The following ERP27 variants were observed in gnomAD, a reference collection of about 807,000 sequenced individuals.
ERP27 encodes endoplasmic reticulum protein 27.
Under a neutral mutation model 27.7 loss-of-function variants are expected in ERP27, and 23 were observed. The ratio of observed to expected loss-of-function variants is 0.83; its 90% CI spans 0.60 to 1.18. The LOEUF is 1.18. ERP27 is among the 50% of genes most tolerant of loss of function. ERP27 has a pLI of 0.00. For synonymous variants in ERP27, 159 were observed against 118.3 expected, an observed-to-expected ratio of 1.34 and a Z score of -2.23; for missense variants, 363 against 327.9, an observed-to-expected ratio of 1.11 and a Z score of -0.83.
At chr12:14,937,777 G>A (rs1863793345) in intron 2 of ERP27, among the ~76,000 whole-genome samples, 175 bp downstream of exon 2, 1 of 152,212 alleles carries the variant, frequency 6.6e-6, no homozygotes, top group Non-Finnish European at 1.5e-5. Flanking sequence ...TTTAGAGACT[G>A]GGAATGTCTT....
At chr12:14,921,163 A>G (rs1863497865) in intron 3 of ERP27, 115 bp from the exon 4 acceptor site, 2 of 810,296 alleles carry the variant, frequency 2.5e-6, no homozygotes, top group Admixed American at 2.2e-5. Flanking sequence ...ACCAAAAGAT[A>G]AGTAAGAGAG....
intron 4 of ERP27, among the ~76,000 whole-genome samples, chr12:14,920,529 C>T (rs756891404): frequency 3.9e-5 from 6 of 152,084 alleles, no homozygotes; most frequent in Admixed American, 2.0e-4. Context: ...CACCATCATA[C>T]CTGGCTAATT....
At chr12:14,923,492 A>AATCTATCTATCTATCT (rs61662382) in intron 3 of ERP27, among the ~76,000 whole-genome samples, 32 of 141,158 alleles carry the variant, frequency 2.3e-4, no homozygotes, top group Admixed American at 3.5e-4. Context: ...ATCTATAATC[A>AATCTATCTATCTATCT]ATCTATCTAT....
intron 3 of ERP27, chr12:14,929,044 T>C (rs1266104155): frequency 3.3e-6 from 5 of 1,534,724 alleles, no homozygotes; most frequent in African/African-American, 2.7e-5. Flanking sequence ...TCGTTTAACA[T>C]TTGATGTGTC....
chr12:14,935,885 A>C (rs113907917), intron 2 of ERP27, among the ~76,000 whole-genome samples: 6,288 of 152,008 alleles, frequency 0.041, 288 homozygotes, highest in African/African-American at 0.12. Flanking sequence ...TACTTGGCTA[A>C]TTTTTTCTGT....
rs113050330 is a variant in ERP27 at position 14,915,381 on chromosome 12, C to G, written c.774+108G>C. ...CTATCTGCACTTGGTATCCATTAAC[C>G]AACATTTTGCTCTCCTCCCTCTCTG... On this transcript the variant is annotated intron_variant, in intron 6 of 6. Transcript: ENST00000266397. 1,913 of 1,142,154 alleles carry G rather than the reference C, an allele frequency of 1.7e-3. 26 individuals carry two copies. In the African/African-American group the frequency reaches 0.025, roughly 15 times the overall value. The allele number at this position is 1,142,154 out of a possible 1,614,324, so 70.8% of individuals were successfully genotyped here. A position where few individuals can be genotyped will look rare whatever the true frequency, so the allele number is the denominator to read the frequency against.
chr12:14,929,211 T>C, intron 3 of ERP27: 1 of 1,191,440 alleles, frequency 8.4e-7, no homozygotes, highest in Admixed American at 3.3e-5. Context: ...AAAAGCCAGT[T>C]ACTCTGGGTG....
At position 14,924,229 on chromosome 12, in the gene ERP27, A is replaced by G. The variant is rs1447220149; in HGVS notation, c.334-3181T>C. Among the ~76,000 whole-genome samples the G allele has an allele frequency of 3.3e-5, 5 of 152,182 alleles. No homozygotes were observed. The East Asian group carries it at 9.6e-4, about 29-fold the overall frequency. On this transcript the variant is annotated intron_variant, in intron 3 of 6. Transcript: ENST00000266397. ...ACTTCACTCTTTTTTATGGCTGAAT[A>G]GTGTCCATTGTATATATGTACTGCA...
At chr12:14,927,518 T>G (rs140505669) in intron 3 of ERP27, among the ~76,000 whole-genome samples, 1 of 152,210 alleles carries the variant, frequency 6.6e-6, no homozygotes, top group East Asian at 1.9e-4. Context: ...TAGATTCACC[T>G]CCTATTTCCC....
intron 3 of ERP27, chr12:14,928,840 T>G: frequency 1.7e-6 from 2 of 1,171,326 alleles, no homozygotes; most frequent in Admixed American, 4.0e-5. Context: ...TACCACCTCC[T>G]TCCCCTTCCC....
At chr12:14,923,920 C>A (rs747213270) in intron 3 of ERP27, among the ~76,000 whole-genome samples, 1 of 152,156 alleles carries the variant, frequency 6.6e-6, no homozygotes, top group African/African-American at 2.4e-5. Context: ...TATACTCACC[C>A]TACTGTGCAA....
chr12:14,914,700 G>A lies in ERP27; in HGVS notation c.*35C>T, dbSNP rs1267617555. 1.3e-6 allele frequency: 2 copies of A among 1,596,064 alleles called. No homozygotes were observed. The highest frequency in any genetic ancestry group is 2.2e-5 in the East Asian group (1 of 44,796). Reference sequence around the variant, plus strand: ...GTTGTGCCTTTTTACTTTGCATAAAGTAGATACTTGGCCATATGTAGTTCC... The same window carrying A: ...GTTGTGCCTTTTTACTTTGCATAAAATAGATACTTGGCCATATGTAGTTCC... On this transcript the variant is annotated 3_prime_UTR_variant, in exon 7 of 7. Coordinates refer to ENST00000266397, the MANE Select transcript of ERP27 (RefSeq NM_152321.4).
chr12:14,914,577 T>TGTGTGTGTGC lies in ERP27; in HGVS notation c.*157_*158insGCACACACAC, dbSNP rs1555097430. On this transcript the variant is annotated 3_prime_UTR_variant, in exon 7 of 7. Coordinates refer to ENST00000266397, the MANE Select transcript of ERP27 (RefSeq NM_152321.4). The stretch of plus-strand genomic sequence containing the variant: ...GAAGCTCTGTGTGTGTGTGTGTGTG[T>TGTGTGTGTGC]GCGTGTGTGTGTGCACGCGTGCGTG... 119 of 542,218 alleles carry TGTGTGTGTGC rather than the reference T, an allele frequency of 2.2e-4. No individual in the cohort carries two copies. Among genetic ancestry groups the TGTGTGTGTGC allele is most frequent in the Non-Finnish European group, 3.2e-4 (99 of 307,240 alleles). The allele number at this position is 542,218 out of a possible 1,614,324, so 33.6% of individuals were successfully genotyped here. A position where few individuals can be genotyped will look rare whatever the true frequency, so the allele number is the denominator to read the frequency against.
At chr12:14,935,510 G>T (rs541031213) in intron 2 of ERP27, among the ~76,000 whole-genome samples, 1 of 152,146 alleles carries the variant, frequency 6.6e-6, no homozygotes, top group Non-Finnish European at 1.5e-5. Flanking sequence ...AACTAACTCT[G>T]GGATTAAAGG....
At chr12:14,926,050 C>T (rs1250410956) in intron 3 of ERP27, among the ~76,000 whole-genome samples, 1 of 149,324 alleles carries the variant, frequency 6.7e-6, no homozygotes, top group African/African-American at 2.5e-5. Flanking sequence ...GCCTGGGCAA[C>T]AGAGCAAGAC....
intron 3 of ERP27, chr12:14,929,147 C>T: frequency 2.1e-6 from 3 of 1,421,896 alleles, no homozygotes; most frequent in South Asian, 1.6e-5. Context: ...ATCCCCCCCT[C>T]CCTGTACTCT....
intron 3 of ERP27, among the ~76,000 whole-genome samples, chr12:14,926,287 A>G (rs1565451697): frequency 6.8e-6 from 1 of 147,560 alleles, no homozygotes. Context: ...TTTGTTTGGT[A>G]TTAATATATT....
At chr12:14,933,063 A>T (rs1180777899) in intron 3 of ERP27, among the ~76,000 whole-genome samples, 1 of 152,158 alleles carries the variant, frequency 6.6e-6, no homozygotes, top group Admixed American at 6.5e-5. Flanking sequence ...TGTACTTCTT[A>T]AGAAGAACAT....
At chr12:14,936,482 A>C (rs4764137) in intron 2 of ERP27, among the ~76,000 whole-genome samples, 50,811 of 152,024 alleles carry the variant, frequency 0.33, 8,833 homozygotes, top group Middle Eastern at 0.43. Context: ...AGGAACAAAC[A>C]TGTTCTACCC....
Sources: gnomAD v4.1 joint callset for allele counts (sites outside exome capture counted in the v4.1 genomes callset) on GRCh38, gnomAD v4.1.1 for gene constraint, MANE v1.5 for transcripts, NCBI Gene and HGNC (gene_info 2026-07-23, HGNC 2026-07-21) for gene names.